The following LARGE1 variants were observed in gnomAD, a reference collection of about 807,000 sequenced individuals.
LARGE1 encodes the protein LARGE xylosyl- and glucuronyltransferase 1, also known as xylosyl- and glucuronyltransferase LARGE1.
Under a neutral mutation model 87.6 loss-of-function variants are expected in LARGE1, and 43 were observed. That is an observed-to-expected ratio of 0.49 (90% CI 0.38 to 0.63). The LOEUF is 0.63. Ranked by LOEUF, LARGE1 falls within the 30% of genes least tolerant of loss-of-function variation. The pLI is 0.00. For synonymous variants in LARGE1, 434 were observed against 394.6 expected, an observed-to-expected ratio of 1.10 and a Z score of -1.18; for missense variants, 802 against 1,000.2, an observed-to-expected ratio of 0.80 and a Z score of 2.67.
At chr22:33,902,389 A>G (rs2146905663) in intron 1 of LARGE1, among the ~76,000 whole-genome samples, 1 of 152,242 alleles carries the variant, frequency 6.6e-6, no homozygotes, top group East Asian at 1.9e-4. Context: ...TCATTTCACA[A>G]CCCAAGTCCA....
intron 9 of LARGE1, among the ~76,000 whole-genome samples, chr22:33,375,624 A>G (rs938386175): frequency 2.0e-5 from 3 of 152,256 alleles, no homozygotes; most frequent in Non-Finnish European, 4.4e-5. Flanking sequence ...TCAGCCTTAG[A>G]GTAGATGAAT....
chr22:33,588,870 A>C (rs184171069), intron 5 of LARGE1, among the ~76,000 whole-genome samples: 1 of 152,224 alleles, frequency 6.6e-6, no homozygotes, highest in Non-Finnish European at 1.5e-5. Flanking sequence ...GATGACTACT[A>C]AAGTGGGGGT....
At chr22:33,229,549 G>C (rs996905955) in intron 11 of LARGE1, among the ~76,000 whole-genome samples, 2 of 152,072 alleles carry the variant, frequency 1.3e-5, no homozygotes, top group African/African-American at 4.8e-5. Context: ...GCCGAAAAGA[G>C]ACTCAGTAAA....
intron 6 of LARGE1, among the ~76,000 whole-genome samples, chr22:33,492,917 A>G (rs2148300857): frequency 6.6e-6 from 1 of 152,240 alleles, no homozygotes; most frequent in East Asian, 1.9e-4. Context: ...CGGGTGGGCA[A>G]TGCGCACCCT....
chr22:33,661,681 C>G (rs2081127670), intron 2 of LARGE1, among the ~76,000 whole-genome samples: 1 of 152,104 alleles, frequency 6.6e-6, no homozygotes, highest in African/African-American at 2.4e-5. Context: ...CTGTGCCCCT[C>G]CTGCTTCACT....
At chr22:33,370,720 A>T (rs2064776025) in intron 9 of LARGE1, among the ~76,000 whole-genome samples, 1 of 151,498 alleles carries the variant, frequency 6.6e-6, no homozygotes, top group South Asian at 2.1e-4. Flanking sequence ...TACAAAGTAA[A>T]ATCTGGAATA....
chr22:33,258,926 G>T (rs1927464796), intron 11 of LARGE1, among the ~76,000 whole-genome samples: 3 of 150,570 alleles, frequency 2.0e-5, no homozygotes, highest in Non-Finnish European at 4.4e-5. Flanking sequence ...CATCCAGGCT[G>T]GAGTACAGTG....
the LARGE1 span, among the ~76,000 whole-genome samples, chr22:33,098,470 A>T: frequency 6.6e-6 from 1 of 151,938 alleles, no homozygotes; most frequent in South Asian, 2.1e-4. Flanking sequence ...ATACAAAAAA[A>T]ATTAGCGGGG....
chr22:33,744,851 C>T (rs1045372914), intron 2 of LARGE1, among the ~76,000 whole-genome samples: 1 of 152,178 alleles, frequency 6.6e-6, no homozygotes, highest in Non-Finnish European at 1.5e-5. Flanking sequence ...GGCTCCAGGC[C>T]ACACAAGTGG....
At chr22:33,649,366 G>A (rs2080720715) in intron 3 of LARGE1, among the ~76,000 whole-genome samples, 1 of 152,176 alleles carries the variant, frequency 6.6e-6, no homozygotes, top group Non-Finnish European at 1.5e-5. Context: ...TCTTTAGGGA[G>A]TTTGAAGTCT....
At chr22:33,266,878 A>G (rs79095829) in intron 11 of LARGE1, among the ~76,000 whole-genome samples, 1 of 151,496 alleles carries the variant, frequency 6.6e-6, no homozygotes. Flanking sequence ...AAAAAAAAAA[A>G]GAGTTTGATT....
At chr22:33,651,248 C>T (rs240336) in intron 2 of LARGE1, among the ~76,000 whole-genome samples, 45,615 of 92,604 alleles carry the variant, frequency 0.49, 13,339 homozygotes, top group Middle Eastern at 0.63. Flanking sequence ...AAAAATTAGC[C>T]GGGCTTGGTG....
the LARGE1 span, among the ~76,000 whole-genome samples, chr22:33,136,267 T>G: frequency 0.011 from 1,625 of 152,314 alleles, 30 homozygotes; most frequent in African/African-American, 0.037. Context: ...TTTAGCAGAC[T>G]CACGGTTCCA....
the LARGE1 span, among the ~76,000 whole-genome samples, chr22:33,148,285 C>G: frequency 6.6e-6 from 1 of 152,212 alleles, no homozygotes; most frequent in Non-Finnish European, 1.5e-5. Context: ...GATGCCATCA[C>G]TATAGTTTTT....
chr22:33,777,404 G>C (rs1265623121), intron 1 of LARGE1, among the ~76,000 whole-genome samples: 1 of 152,100 alleles, frequency 6.6e-6, no homozygotes, highest in Non-Finnish European at 1.5e-5. Context: ...TCGGGAGGCT[G>C]AGATTGGATG....
intron 11 of LARGE1, among the ~76,000 whole-genome samples, chr22:33,311,478 C>G (rs1935582432): frequency 6.6e-6 from 1 of 152,162 alleles, no homozygotes; most frequent in African/African-American, 2.4e-5. Context: ...AGGTGAGAAA[C>G]ATTAAGAAAA....
At chr22:33,575,212 T>C (rs892217622) in intron 5 of LARGE1, among the ~76,000 whole-genome samples, 4 of 152,164 alleles carry the variant, frequency 2.6e-5, no homozygotes, top group African/African-American at 4.8e-5. Flanking sequence ...GGCTGAATCA[T>C]TTACACTGGA....
At chr22:33,423,594 G>A (rs2066771785) in intron 7 of LARGE1, among the ~76,000 whole-genome samples, 1 of 150,650 alleles carries the variant, frequency 6.6e-6, no homozygotes, top group Non-Finnish European at 1.5e-5. Context: ...GCGCGGGAAT[G>A]GCTTGAACCC....
chr22:33,526,666 T>C (rs577471509), intron 6 of LARGE1, among the ~76,000 whole-genome samples: 1 of 152,348 alleles, frequency 6.6e-6, no homozygotes, highest in African/African-American at 2.4e-5. Context: ...AGAACACAAG[T>C]CCATCAACTG....
Sources: allele counts gnomAD v4.1 joint callset (sites outside exome capture counted in the v4.1 genomes callset), GRCh38; gene constraint gnomAD v4.1.1; transcripts MANE v1.5; gene names NCBI Gene and HGNC (gene_info 2026-07-23, HGNC 2026-07-21).